The following BRSK2 variants were observed in gnomAD, a reference collection of about 807,000 sequenced individuals.
BRSK2 encodes BR serine/threonine kinase 2, also known as serine/threonine-protein kinase BRSK2.
Under a neutral mutation model 83.3 loss-of-function variants are expected in BRSK2, and 19 were observed. The ratio of observed to expected loss-of-function variants is 0.23; its 90% CI spans 0.16 to 0.33. The LOEUF (loss-of-function observed/expected upper bound fraction) is 0.33. Among genes scored for constraint, BRSK2 ranks in the 10% least tolerant of loss-of-function variants. The pLI, the probability that BRSK2 is intolerant of heterozygous loss-of-function variation, is 1.00. For synonymous variants in BRSK2, 519 were observed against 435.4 expected, an observed-to-expected ratio of 1.19 and a Z score of -2.39; for missense variants, 798 against 1,042.3, an observed-to-expected ratio of 0.77 and a Z score of 3.23.
At chr11:1,414,150 G>A (rs917105283) in intron 1 of BRSK2, among the ~76,000 whole-genome samples, 3 of 152,238 alleles carry the variant, frequency 2.0e-5, no homozygotes, top group African/African-American at 7.2e-5. Flanking sequence ...TTTTCTGTAC[G>A]AACTAGGATT....
chr11:1,451,977 C>G (rs528447871), intron 15 of BRSK2, among the ~76,000 whole-genome samples: 1 of 152,046 alleles, frequency 6.6e-6, no homozygotes, highest in Non-Finnish European at 1.5e-5. Context: ...CCCTTCCCAG[C>G]GCCCAGGCCC....
intron 12 of BRSK2, among the ~76,000 whole-genome samples, chr11:1,446,110 G>GGACT (rs1564859268): frequency 2.7e-5 from 4 of 146,148 alleles, no homozygotes; most frequent in African/African-American, 7.9e-5. Context: ...GGGCTGGGCT[G>GGACT]GGAGCTGAGC....
intron 18 of BRSK2, among the ~76,000 whole-genome samples, chr11:1,457,659 C>T (rs780792813): frequency 2.0e-5 from 3 of 152,142 alleles, no homozygotes; most frequent in Admixed American, 1.3e-4. Flanking sequence ...GGGGTCCCCT[C>T]TCCCAGCCTG....
At chr11:1,394,697 C>T (rs1845951209) in intron 1 of BRSK2, among the ~76,000 whole-genome samples, 1 of 132,108 alleles carries the variant, frequency 7.6e-6, no homozygotes, top group Non-Finnish European at 1.6e-5. Flanking sequence ...GGAGATGGGT[C>T]CTGGAGATGG....
chr11:1,402,396 T>C (rs1384699454), intron 1 of BRSK2, among the ~76,000 whole-genome samples: 1 of 152,344 alleles, frequency 6.6e-6, no homozygotes, highest in African/African-American at 2.4e-5. Flanking sequence ...TGGATGGTCA[T>C]GGGCAGAGGA....
rs745476368 is a variant in BRSK2, at chr11:1,447,820, C to T, written c.1226+1913C>T. ...TAGTAAAGCAATGTTCAGTAAAAGCCTGGATATCGCTGAGGCCCATCCCCA... is the reference window on the plus strand; with the variant it reads ...TAGTAAAGCAATGTTCAGTAAAAGCTTGGATATCGCTGAGGCCCATCCCCA... On this transcript the variant is annotated intron_variant, in intron 12 of 19. Coordinates refer to ENST00000528841, the MANE Select transcript of BRSK2 (RefSeq NM_001256627.2). 4.4e-6 allele frequency: 7 copies of T among 1,597,450 alleles called. No individual in the cohort carries two copies. The African/African-American group carries it at 6.7e-5, about 15-fold the overall frequency.
rs1360840330 is a variant in BRSK2, at chr11:1,460,610, C to T, written c.2098C>T (p.Pro700Ser). 4.6e-6 allele frequency: 7 copies of T among 1,531,922 alleles called. No individual in the cohort carries two copies. The Admixed American group carries it at 5.9e-5, about 13-fold the overall frequency. The allele number at this position is 1,531,922 out of a possible 1,614,324, so 94.9% of individuals were successfully genotyped here. The change falls in exon 20 of 20, where the codon CCA becomes TCA. Residue 700 changes from proline (P) to serine (S), a missense_variant. This residue lies in a region of BRSK2 where 455 missense variants were observed against 455.2 expected (regional missense o/e 1.00). Transcript: ENST00000528841. ...GCCCGCCAAGCGGAGTGCCCACGGC[C>T]CACTCGGTGACTCCGCGGCCGCTGG... ...STPAKRSAHG[P>S]LGDSAAAGPG...
chr11:1,439,134 T>G (rs989608486), intron 3 of BRSK2, among the ~76,000 whole-genome samples: 1 of 152,172 alleles, frequency 6.6e-6, no homozygotes, highest in Non-Finnish European at 1.5e-5. Context: ...GCCGGGCATC[T>G]CTGAGGCATC....
At chr11:1,435,724 C>G (rs1850219358) in intron 1 of BRSK2, among the ~76,000 whole-genome samples, 1 of 151,170 alleles carries the variant, frequency 6.6e-6, no homozygotes, top group East Asian at 2.0e-4. Context: ...ACCCTGGCTC[C>G]CAGCTGAGGG....
chr11:1,401,488 G>C (rs1846475266), intron 1 of BRSK2, among the ~76,000 whole-genome samples: 1 of 152,188 alleles, frequency 6.6e-6, no homozygotes, highest in Non-Finnish European at 1.5e-5. Context: ...ACCAGGGCCA[G>C]CATACCCCGG....
At chr11:1,436,543 C>A (rs971989437) in intron 2 of BRSK2, among the ~76,000 whole-genome samples, 1 of 152,124 alleles carries the variant, frequency 6.6e-6, no homozygotes, top group African/African-American at 2.4e-5. Context: ...CCACTGGGGC[C>A]TGGCCTCCGT....
At chr11:1,443,668 C>A (rs758771886) in intron 8 of BRSK2, 33 bp downstream of exon 8, 2 of 1,441,466 alleles carry the variant, frequency 1.4e-6, no homozygotes, top group East Asian at 2.4e-5. Flanking sequence ...GGCCCCAGAG[C>A]GTGGCGGGGG....
chr11:1,410,098 G>A (rs568856749), intron 1 of BRSK2, among the ~76,000 whole-genome samples: 1 of 24,346 alleles, frequency 4.1e-5, no homozygotes, highest in African/African-American at 1.8e-4. Flanking sequence ...GGTTTGTGAC[G>A]TCGGCCTCGC....
Position 1,460,584 on chromosome 11 carries a change from C to T in BRSK2, c.2072C>T (p.Thr691Met), listed in dbSNP as rs899133198. The T allele has an allele frequency of 1.4e-5, 22 of 1,533,274 alleles. No individual in the cohort carries two copies. The highest frequency in any genetic ancestry group is 4.1e-5 in the African/African-American group (3 of 72,808). 95.0% of individuals were successfully genotyped at this position (1,533,274 alleles called of 1,614,324 possible). A position where few individuals can be genotyped will look rare whatever the true frequency, so the allele number is the denominator to read the frequency against. The change falls in exon 20 of 20, where the codon ACG (threonine) becomes ATG (methionine). Residue 691 changes from threonine (T) to methionine (M), a missense_variant. Thr to Met is a moderately conservative substitution (Grantham distance 81). Around this residue, in one of 6 missense-constraint regions of BRSK2, gnomAD observed 455 missense variants for 455.2 expected, o/e 1.00. Coordinates refer to ENST00000528841, the MANE Select transcript of BRSK2 (RefSeq NM_001256627.2). ...GGGCAGGCGGCCCAGGCCCCCAGCA[C>T]GCCCGCCAAGCGGAGTGCCCACGGC... ...KNGQAAQAPS[T>M]PAKRSAHGPL...
intron 16 of BRSK2, 123 bp from the exon 17 acceptor site, chr11:1,456,225 C>G (rs779762932): frequency 9.5e-7 from 1 of 1,054,240 alleles, no homozygotes; most frequent in Non-Finnish European, 1.3e-6. Context: ...CTCACGGAAG[C>G]AGAGGTGCCT....
chr11:1,402,651 C>T (rs1178463772), intron 1 of BRSK2, among the ~76,000 whole-genome samples: 1 of 152,184 alleles, frequency 6.6e-6, no homozygotes, highest in Non-Finnish European at 1.5e-5. Context: ...TCTAGGGCCT[C>T]ATCTGATCCT....
At chr11:1,434,812 A>G (rs908163658) in intron 1 of BRSK2, among the ~76,000 whole-genome samples, 1 of 152,154 alleles carries the variant, frequency 6.6e-6, no homozygotes, top group Non-Finnish European at 1.5e-5. Context: ...CCAACATGGA[A>G]TGGCACATGA....
chr11:1,445,979 C>G lies in BRSK2; in HGVS notation c.1226+72C>G, dbSNP rs992308454. ...TGCGCGGCACTGCCGCCTGGCTCAT[C>G]GCTACCCATTGGCCTGGGGTCTCGG... is the stretch of plus-strand genomic sequence containing the variant. On this transcript the variant is annotated intron_variant, in intron 12 of 19. Coordinates refer to ENST00000528841, the MANE Select transcript of BRSK2 (RefSeq NM_001256627.2). The G allele has an allele frequency of 5.1e-5, 77 of 1,512,818 alleles. No homozygotes were observed. In the Admixed American group the frequency reaches 5.4e-4, roughly 11 times the overall value. The allele number at this position is 1,512,818 out of a possible 1,614,324, so 93.7% of individuals were successfully genotyped here.
intron 13 of BRSK2, 128 bp downstream of exon 13, chr11:1,449,964 G>A (rs1385410859): frequency 1.4e-5 from 9 of 636,852 alleles, no homozygotes; most frequent in East Asian, 2.8e-5. Flanking sequence ...CCATGCCCAC[G>A]CTCCTGTGGC....
Sources: allele counts gnomAD v4.1 joint callset (sites outside exome capture counted in the v4.1 genomes callset), GRCh38; gene constraint gnomAD v4.1.1; regional missense constraint gnomAD v4.1.1; transcripts MANE v1.5; gene names NCBI Gene and HGNC (gene_info 2026-07-23, HGNC 2026-07-21).